Variants in SUCLG2 observed in about 807,000 individuals in gnomAD.
SUCLG2 encodes succinate--CoA ligase [GDP-forming] subunit beta, mitochondrial.
SUCLG2 carries 42 observed loss-of-function variants against 47.9 expected under a neutral mutation model. The ratio of observed to expected loss-of-function variants is 0.88; its 90% CI spans 0.69 to 1.14. The LOEUF is 1.14. Among genes scored for constraint, SUCLG2 ranks in the 50% most tolerant of loss-of-function variants. The pLI, the probability that SUCLG2 is intolerant of heterozygous loss-of-function variation, is 0.00. For missense variants in SUCLG2, 571 were observed against 525.9 expected (o/e 1.09, Z -0.84); for synonymous variants, 195 against 197.3 (o/e 0.99, Z 0.10).
intron 9 of SUCLG2, among the ~76,000 whole-genome samples, chr3:67,416,910 G>C (rs947796170): frequency 1.3e-5 from 2 of 152,114 alleles, no homozygotes; most frequent in Non-Finnish European, 2.9e-5. Flanking sequence ...GTATCCACTA[G>C]AGGCCAGTGT....
In SUCLG2 at chr3:67,461,956, G is replaced by A. The variant is rs149767140; in HGVS notation, c.1062+33842C>T. Reference sequence around the variant, plus strand: ...TGCCAGCAAGGGGAGGTAAGGTCATGCGGGGCCGGATGATACAAGCTTCTG... The same window carrying A: ...TGCCAGCAAGGGGAGGTAAGGTCATACGGGGCCGGATGATACAAGCTTCTG... On this transcript the variant is annotated intron_variant, in intron 9 of 10. Coordinates refer to ENST00000307227, the MANE Select transcript of SUCLG2 (RefSeq NM_003848.4). Among the ~76,000 whole-genome samples, 306 of 152,238 alleles carry A rather than the reference G, an allele frequency of 2.0e-3. 1 individual carries two copies. Among genetic ancestry groups the A allele is most frequent in the Admixed American group, 4.0e-3 (61 of 15,288 alleles).
intron 2 of SUCLG2, among the ~76,000 whole-genome samples, chr3:67,577,724 G>T (rs1158545389): frequency 6.6e-6 from 1 of 152,160 alleles, no homozygotes; most frequent in Admixed American, 6.5e-5. Context: ...AAGAAAGAAG[G>T]CAAGGAACTC....
chr3:67,463,467 GA>G (rs1704387892), intron 9 of SUCLG2, among the ~76,000 whole-genome samples: 1 of 152,146 alleles, frequency 6.6e-6, no homozygotes, highest in African/African-American at 2.4e-5. Flanking sequence ...TTTTCTTTCA[GA>G]AATTTATCTT....
chr3:67,504,577 T>C (rs540607164), intron 7 of SUCLG2, among the ~76,000 whole-genome samples: 2 of 152,304 alleles, frequency 1.3e-5, no homozygotes, highest in Admixed American at 6.5e-5. Flanking sequence ...CTCTAGACTA[T>C]GGACAGATTG....
intron 1 of SUCLG2, among the ~76,000 whole-genome samples, chr3:67,633,423 T>A (rs570398663): frequency 6.6e-6 from 1 of 152,218 alleles, no homozygotes; most frequent in Non-Finnish European, 1.5e-5. Flanking sequence ...AAGGTCTGCA[T>A]GTTTTCAAAC....
chr3:67,558,650 C>T (rs1426421271), intron 2 of SUCLG2, among the ~76,000 whole-genome samples: 2 of 152,222 alleles, frequency 1.3e-5, no homozygotes, highest in African/African-American at 4.8e-5. Context: ...AAATTTCCTA[C>T]TGATCCGTTT....
intron 2 of SUCLG2, among the ~76,000 whole-genome samples, chr3:67,562,284 G>T (rs927076278): frequency 1.4e-4 from 20 of 145,338 alleles, no homozygotes; most frequent in South Asian, 1.1e-3. Context: ...TTTTTTGTTT[G>T]TTTTTTTTTT....
intron 2 of SUCLG2, 142 bp from the exon 3 acceptor site, chr3:67,529,328 G>T: frequency 1.6e-6 from 1 of 636,940 alleles, no homozygotes; most frequent in Non-Finnish European, 2.7e-6. Flanking sequence ...TAAATGCAAT[G>T]AAGAACTTCA....
intron 10 of SUCLG2, among the ~76,000 whole-genome samples, chr3:67,382,387 T>G (rs778729008): frequency 6.6e-6 from 1 of 152,108 alleles, no homozygotes; most frequent in Non-Finnish European, 1.5e-5. Flanking sequence ...GGCCTTTAAG[T>G]GCTAGAAGGA....
intron 2 of SUCLG2, among the ~76,000 whole-genome samples, chr3:67,557,306 A>T (rs1318408235): frequency 6.6e-6 from 1 of 152,174 alleles, no homozygotes; most frequent in Admixed American, 6.5e-5. Context: ...AGATGAACAG[A>T]GATCGTTCTG....
rs557460830 is a variant in SUCLG2, at chr3:67,626,020, T to TA, written c.85-16425_85-16424insT. Among the ~76,000 whole-genome samples, 504 of 138,270 alleles carry TA rather than the reference T, an allele frequency of 3.6e-3. 3 individuals are homozygous for TA. Among genetic ancestry groups the TA allele is most frequent in the African/African-American group, 0.013 (485 of 38,076 alleles). 90.7% of individuals were successfully genotyped at this position (138,270 alleles called of 152,430 possible). ...TAGGAGTAGCTACATATATATATATTTACATTTTTTTTTTTTTTGAGATGA... is the reference window on the plus strand; with the variant it reads ...TAGGAGTAGCTACATATATATATATTATACATTTTTTTTTTTTTTGAGATGA... On this transcript the variant is annotated intron_variant, in intron 1 of 10. Coordinates refer to ENST00000307227, the MANE Select transcript of SUCLG2 (RefSeq NM_003848.4).
chr3:67,561,794 C>T (rs1707314279), intron 2 of SUCLG2, among the ~76,000 whole-genome samples: 1 of 151,986 alleles, frequency 6.6e-6, no homozygotes, highest in Admixed American at 6.5e-5. Flanking sequence ...CATGAGTATC[C>T]TAGGATTCTT....
At chr3:67,392,402 A>T (rs1702408890) in intron 10 of SUCLG2, among the ~76,000 whole-genome samples, 1 of 152,184 alleles carries the variant, frequency 6.6e-6, no homozygotes. Flanking sequence ...ACACTTCTTA[A>T]TGCTTAAACT....
At chr3:67,406,747 G>A (rs1702821555) in intron 9 of SUCLG2, among the ~76,000 whole-genome samples, 1 of 152,146 alleles carries the variant, frequency 6.6e-6, no homozygotes, top group Non-Finnish European at 1.5e-5. Context: ...CAAAGAGTTT[G>A]AGAAGCCTTT....
At chr3:67,523,610 A>G (rs1706178891) in intron 4 of SUCLG2, among the ~76,000 whole-genome samples, 1 of 152,210 alleles carries the variant, frequency 6.6e-6, no homozygotes, top group South Asian at 2.1e-4. Flanking sequence ...GAAATAACAT[A>G]AAGTCTGCCT....
At chr3:67,522,899 C>A (rs569246472) in intron 4 of SUCLG2, among the ~76,000 whole-genome samples, 1 of 151,782 alleles carries the variant, frequency 6.6e-6, no homozygotes, top group African/African-American at 2.4e-5. Context: ...CTCCTGACCT[C>A]GTGATCCGCC....
At chr3:67,498,753 G>C (rs1361488616) in intron 7 of SUCLG2, among the ~76,000 whole-genome samples, 3 of 151,994 alleles carry the variant, frequency 2.0e-5, no homozygotes, top group African/African-American at 7.2e-5. Flanking sequence ...AATTTTTATT[G>C]AATCAGTATC....
intron 2 of SUCLG2, among the ~76,000 whole-genome samples, chr3:67,600,407 T>C (rs546410768): frequency 1.3e-5 from 2 of 152,334 alleles, no homozygotes; most frequent in East Asian, 3.9e-4. Context: ...TCGTTTATCT[T>C]TGTTGCCATC....
At chr3:67,563,660 A>G (rs376141640) in intron 2 of SUCLG2, among the ~76,000 whole-genome samples, 1 of 152,214 alleles carries the variant, frequency 6.6e-6, no homozygotes, top group Admixed American at 6.5e-5. Flanking sequence ...ATATGCTAGA[A>G]AAGAAGTACT....
Sources: allele counts gnomAD v4.1 joint callset (sites outside exome capture counted in the v4.1 genomes callset), GRCh38; gene constraint gnomAD v4.1.1; transcripts MANE v1.5; gene names NCBI Gene and HGNC (gene_info 2026-07-23, HGNC 2026-07-21).